Variants in MXD3 observed in about 807,000 individuals in gnomAD.
The protein encoded by MXD3 is Max-associated protein 3.
A neutral mutation model predicts 27.5 loss-of-function variants in MXD3; 20 were observed. That is an observed-to-expected ratio of 0.73 (90% CI 0.51 to 1.06). The LOEUF is 1.06. Ranked by LOEUF, MXD3 falls within the 50% of genes least tolerant of loss-of-function variation. MXD3 has a pLI of 0.00. For synonymous variants in MXD3, 150 were observed against 130.7 expected (o/e 1.15, Z -1.01); for missense variants, 298 against 291.3 (o/e 1.02, Z -0.17).
intron 4 of MXD3, 90 bp from the exon 5 acceptor site, chr5:177,308,054 CAG>C (rs1251063618): frequency 2.4e-6 from 3 of 1,244,792 alleles, no homozygotes; most frequent in Non-Finnish European, 3.3e-6. Context: ...GCCACGGCCA[CAG>C]GGCCAATGCC....
chr5:177,311,043 A>T (rs1761022051), intron 2 of MXD3: 2 of 554,702 alleles, frequency 3.6e-6, no homozygotes, highest in African/African-American at 3.8e-5. Flanking sequence ...AGGAGGGAAC[A>T]GCATATGCAA....
rs1760990171 is a variant in MXD3, at chr5:177,309,835, G to C, written c.321+591C>G. Among the ~76,000 whole-genome samples the C allele has an allele frequency of 2.0e-5, 3 of 152,222 alleles. No individual in the cohort carries two copies. The South Asian group carries it at 6.2e-4, about 31-fold the overall frequency. The stretch of plus-strand genomic sequence containing the variant: ...ACTTCTGACATGGCCAGGGCCACCT[G>C]GGCCTTTATTCAGCACATCCACTCC... On this transcript the variant is annotated intron_variant, in intron 4 of 5. Transcript: ENST00000439742.
rs1479799275 is a variant in MXD3, at chr5:177,307,384, G to A, written c.*204C>T. 6.7e-7 allele frequency: 1 copy of A among 1,495,676 alleles called. No homozygotes were observed. The highest frequency in any genetic ancestry group is 2.5e-5 in the East Asian group (1 of 40,700). 92.7% of individuals were successfully genotyped at this position (1,495,676 alleles called of 1,614,324 possible). ...CCCTGCAGGGGTCCAGGGAGGTCCT[G>A]ATGAGTCCTGCCCCTTCCCTTCCAG... is the stretch of plus-strand genomic sequence containing the variant. On this transcript the variant is annotated 3_prime_UTR_variant, in exon 6 of 6. Coordinates refer to ENST00000439742, the MANE Select transcript of MXD3 (RefSeq NM_031300.4).
intron 4 of MXD3, among the ~76,000 whole-genome samples, chr5:177,309,433 G>A (rs1760980179): frequency 6.6e-6 from 1 of 152,186 alleles, no homozygotes; most frequent in African/African-American, 2.4e-5. Flanking sequence ...AGCCCCTGAG[G>A]GGCACACATC....
chr5:177,307,707 C>T lies in MXD3; in HGVS notation c.506-4G>A, dbSNP rs374917822. On this transcript the variant is annotated splice_polypyrimidine_tract_variant and splice_region_variant and intron_variant, in intron 5 of 5. Coordinates refer to ENST00000439742, the MANE Select transcript of MXD3 (RefSeq NM_031300.4). ...TCCACATCCACCTCCAGCTCCTCTG[C>T]GCGGGGAGGGGTCCGGTCAGAAGAC... is the stretch of plus-strand genomic sequence containing the variant. 159 of 1,613,746 alleles carry T rather than the reference C, an allele frequency of 9.9e-5. No homozygotes were observed. The highest frequency in any genetic ancestry group is 1.2e-4 in the Non-Finnish European group (137 of 1,179,940).
downstream of MXD3, chr5:177,306,039 G>A (rs1760864153): frequency 6.2e-7 from 1 of 1,600,880 alleles, no homozygotes; most frequent in East Asian, 2.2e-5. Flanking sequence ...TTTCGGTGTT[G>A]GGGCTGGGCT....
In MXD3 at chr5:177,310,472, C is replaced by G; in HGVS notation, c.275G>C (p.Arg92Pro). The G allele has an allele frequency of 6.2e-7, 1 of 1,613,130 alleles. No homozygotes were observed. The highest frequency in any genetic ancestry group is 8.5e-7 in the Non-Finnish European group (1 of 1,179,730). ...QQMPLGADCA[R>P]YTTLSLLRRA... ...GCGCAGCAGGCTCAGCGTGGTGTACCGGGCACAGTCGGCCCCCAGGGGCAT... is the reference window on the plus strand; with the variant it reads ...GCGCAGCAGGCTCAGCGTGGTGTACGGGGCACAGTCGGCCCCCAGGGGCAT... The change falls in exon 4 of 6, where the codon CGG (arginine) becomes CCG (proline). Residue 92 changes from arginine to proline, a missense_variant. Transcript: ENST00000439742.
In MXD3 at chr5:177,307,262, CA is replaced by C; in HGVS notation, c.*325del. 1 of 1,551,646 alleles carries C rather than the reference CA, an allele frequency of 6.4e-7. No homozygotes were observed. The highest frequency in any genetic ancestry group is 8.7e-7 in the Non-Finnish European group (1 of 1,146,968). On this transcript the variant is annotated 3_prime_UTR_variant, in exon 6 of 6. Coordinates refer to ENST00000439742, the MANE Select transcript of MXD3 (RefSeq NM_031300.4). ...CTGTACAGTTTATGTGAGGCAAAGG[CA>C]GGGGGCCTTGTCCAGGAAGGGAAGA...
intron 2 of MXD3, 78 bp from the exon 3 acceptor site, chr5:177,310,775 A>T: frequency 6.6e-7 from 1 of 1,518,992 alleles, no homozygotes; most frequent in Non-Finnish European, 9.1e-7. Flanking sequence ...CCAGTGGCTC[A>T]AGAGCCACTA....
In MXD3 at chr5:177,307,588, T is replaced by C; in HGVS notation, c.621A>G (p.Ter207TrpextTer38). Residue 207 changes from the stop codon to tryptophan (W), a stop_lost, in exon 6 of 6, where the codon TGA (stop) becomes TGG (tryptophan). Transcript: ENST00000439742. ...AGAGGCCCGCCCTGGGTGAGGAACATCATAGCCAGGCGCCGCCGCCGTGCG... is the reference window on the plus strand; with the variant it reads ...AGAGGCCCGCCCTGGGTGAGGAACACCATAGCCAGGCGCCGCCGCCGTGCG... ...SYSHGGGAWL[*>W] 3.7e-6 allele frequency: 6 copies of C among 1,612,378 alleles called. No homozygotes were observed. Among genetic ancestry groups the C allele is most frequent in the Non-Finnish European group, 5.1e-6 (6 of 1,179,844 alleles).
chr5:177,312,474 C>G (rs1761061727), upstream of MXD3: 1 of 985,316 alleles, frequency 1.0e-6, no homozygotes. Flanking sequence ...ATTTGAAAAC[C>G]CAAGCGATGG....
At chr5:177,311,940 C>A, upstream of MXD3, 1 of 1,261,756 alleles carries the variant, frequency 7.9e-7, no homozygotes, top group Non-Finnish European at 1.0e-6. Flanking sequence ...GGGGCCCGCC[C>A]CGCCCCCGGG....
In MXD3 at chr5:177,311,374, C is replaced by A. The variant is rs1162629816; in HGVS notation, c.176+5G>T. 3.8e-5 allele frequency: 54 copies of A among 1,438,826 alleles called. No homozygotes were observed. Among genetic ancestry groups the A allele is most frequent in the Non-Finnish European group, 4.6e-5 (51 of 1,104,048 alleles). The allele number at this position is 1,438,826 out of a possible 1,614,324, so 89.1% of individuals were successfully genotyped here. A position where few individuals can be genotyped will look rare whatever the true frequency, so the allele number is the denominator to read the frequency against. The stretch of plus-strand genomic sequence containing the variant: ...CCCCACTCCCGCCGCCCCCGGCCTC[C>A]TCACCGCCCGCTGTCCTGCGCGCCA... On this transcript the variant is annotated splice_donor_5th_base_variant and intron_variant, in intron 2 of 5. Transcript: ENST00000439742.
At chr5:177,312,741 C>T (rs894547285), upstream of MXD3, 41 of 985,502 alleles carry the variant, frequency 4.2e-5, no homozygotes, top group African/African-American at 6.3e-4. Flanking sequence ...CCTGGAGGCA[C>T]GCGAAATGGC....
In MXD3 at chr5:177,310,448, C is replaced by G. The variant is rs145235522; in HGVS notation, c.299G>C (p.Arg100Pro). 73 of 1,612,332 alleles carry G rather than the reference C, an allele frequency of 4.5e-5. No individual in the cohort carries two copies. Among genetic ancestry groups the G allele is most frequent in the Non-Finnish European group, 5.8e-5 (68 of 1,179,550 alleles). The change falls in exon 4 of 6, where the codon CGC becomes CCC. Residue 100 changes from arginine (R) to proline (P), a missense_variant. Physicochemically the swap from Arg to Pro is moderately radical, Grantham distance 103 (BLOSUM62 -2). Coordinates refer to ENST00000439742, the MANE Select transcript of MXD3 (RefSeq NM_031300.4). ...CARYTTLSLL[R>P]RARMHIQKLE... ...CACCTGGATGTGCATCCTGGCACGG[C>G]GCAGCAGGCTCAGCGTGGTGTACCG...
At position 177,308,000 on chromosome 5, in the gene MXD3, C is replaced by T. The variant is rs779735015; in HGVS notation, c.322-36G>A. The T allele has an allele frequency of 1.1e-5, 16 of 1,480,174 alleles. No homozygotes were observed. The South Asian group carries it at 1.3e-4, about 12-fold the overall frequency. 91.7% of individuals were successfully genotyped at this position (1,480,174 alleles called of 1,614,324 possible). A position where few individuals can be genotyped will look rare whatever the true frequency, so the allele number is the denominator to read the frequency against. On this transcript the variant is annotated intron_variant, in intron 4 of 5. Coordinates refer to ENST00000439742, the MANE Select transcript of MXD3 (RefSeq NM_031300.4). ...CAAAGGAGCAAGGGGCTGGGGTCAG[C>T]GGCGTGGGGGCTTGGGCTGCACCCC...
intron 4 of MXD3, among the ~76,000 whole-genome samples, chr5:177,308,650 GGT>G (rs559779484): frequency 4.5e-4 from 68 of 152,314 alleles, no homozygotes; most frequent in African/African-American, 1.5e-3. Flanking sequence ...TGAGATTATA[GGT>G]GTGAGCCACC....
At position 177,307,774 on chromosome 5, in the gene MXD3, C is replaced by T; in HGVS notation, c.505+7G>A. ...GCCACACAACCCCTCAGCCTCGGGG[C>T]ACTCACCTTGGTCTGAGTCTGAGCG... On this transcript the variant is annotated splice_region_variant and intron_variant, in intron 5 of 5. Transcript: ENST00000439742. 1 of 1,613,130 alleles carries T rather than the reference C, an allele frequency of 6.2e-7. No homozygotes were observed. The highest frequency in any genetic ancestry group is 8.5e-7 in the Non-Finnish European group (1 of 1,179,748).
chr5:177,307,317 G>A lies in MXD3; in HGVS notation c.*271C>T. 2 of 1,546,822 alleles carry A rather than the reference G, an allele frequency of 1.3e-6. No individual in the cohort carries two copies. The highest frequency in any genetic ancestry group is 1.7e-6 in the Non-Finnish European group (2 of 1,143,786). ...CCAAGAGGCTTCCTGTCCCCTTGGG[G>A]GCAGCAGAGCCAAATGCTTGGGCTC... On this transcript the variant is annotated 3_prime_UTR_variant, in exon 6 of 6. Transcript: ENST00000439742.
Sources: allele counts gnomAD v4.1 joint callset (sites outside exome capture counted in the v4.1 genomes callset), GRCh38; gene constraint gnomAD v4.1.1; transcripts MANE v1.5; gene names NCBI Gene and HGNC (gene_info 2026-07-23, HGNC 2026-07-21).